Variants in PTPRZ1 observed in about 807,000 individuals in gnomAD.
PTPRZ1 encodes the protein protein tyrosine phosphatase receptor type Z1.
PTPRZ1 carries 82 observed loss-of-function variants against 214.1 expected under a neutral mutation model. The observed-to-expected ratio is 0.38, with a 90% CI of 0.32 to 0.46. PTPRZ1 has a LOEUF of 0.46. PTPRZ1 is among the 20% of genes least tolerant of loss of function. PTPRZ1 has a pLI of 1.00. For missense variants in PTPRZ1, 2,603 were observed against 2,748.7 expected (o/e 0.95, Z 1.19); for synonymous variants, 945 against 987.9 (o/e 0.96, Z 0.81).
At chr7:121,898,273 C>G (rs865849233) in intron 1 of PTPRZ1, among the ~76,000 whole-genome samples, 1 of 132,966 alleles carries the variant, frequency 7.5e-6, no homozygotes, top group Middle Eastern at 3.8e-3. Flanking sequence ...TTTTTTTTTT[C>G]ATGTTCTATG....
intron 8 of PTPRZ1, among the ~76,000 whole-genome samples, chr7:121,984,651 A>G (rs1797713388): frequency 6.6e-6 from 1 of 152,162 alleles, no homozygotes; most frequent in Non-Finnish European, 1.5e-5. Flanking sequence ...AGTACTGAAA[A>G]TAAATGCACT....
At chr7:122,049,232 A>T (rs929421488) in intron 23 of PTPRZ1, among the ~76,000 whole-genome samples, 1 of 152,112 alleles carries the variant, frequency 6.6e-6, no homozygotes, top group Non-Finnish European at 1.5e-5. Context: ...TACAATAAAC[A>T]TCATACATAA....
intron 2 of PTPRZ1, among the ~76,000 whole-genome samples, chr7:121,947,582 TA>T (rs1413123147): frequency 6.6e-6 from 1 of 152,214 alleles, no homozygotes; most frequent in Non-Finnish European, 1.5e-5. Flanking sequence ...GATTTTTCCA[TA>T]AAAATTATTT....
chr7:122,046,858 T>G (rs1268350792), intron 23 of PTPRZ1, among the ~76,000 whole-genome samples: 2 of 151,986 alleles, frequency 1.3e-5, no homozygotes, highest in African/African-American at 4.8e-5. Context: ...TTGGGAGTGA[T>G]CAGCGTAGAG....
In PTPRZ1 at chr7:121,928,230, A is replaced by G; in HGVS notation, c.124+9A>G. 2 of 1,576,020 alleles carry G rather than the reference A, an allele frequency of 1.3e-6. No homozygotes were observed. The highest frequency in any genetic ancestry group is 8.7e-7 in the Non-Finnish European group (1 of 1,152,690). Reference sequence around the variant, plus strand: ...TGGCTGGTCCTATACAGGTAAACATATTACTTATATAATGAGATTTAGCAG... The same window carrying G: ...TGGCTGGTCCTATACAGGTAAACATGTTACTTATATAATGAGATTTAGCAG... On this transcript the variant is annotated intron_variant, in intron 2 of 29. Transcript: ENST00000393386.
chr7:122,012,111 T>C lies in PTPRZ1; in HGVS notation c.3065T>C (p.Val1022Ala), dbSNP rs766935144. The change falls in exon 12 of 30, where the codon GTT (valine) becomes GCT (alanine). Residue 1022 changes from valine (V) to alanine (A), a missense_variant. Val to Ala is a moderately conservative substitution (Grantham distance 64). Transcript: ENST00000393386. The part of the protein sequence containing the change: ...GLTALNISSP[V>A]SVAEFTYTTS... Reference sequence around the variant, plus strand: ...ACAGCCCTTAACATTTCTTCACCTGTTTCTGTAGCTGAATTTACATATACA... The same window carrying C: ...ACAGCCCTTAACATTTCTTCACCTGCTTCTGTAGCTGAATTTACATATACA... The C allele has an allele frequency of 4.8e-5, 78 of 1,613,810 alleles. No individual in the cohort carries two copies. The highest frequency in any genetic ancestry group is 5.9e-5 in the Non-Finnish European group (70 of 1,179,790).
chr7:121,996,830 T>G lies in PTPRZ1; in HGVS notation c.1113+264T>G, dbSNP rs78301464. Among the ~76,000 whole-genome samples the G allele has an allele frequency of 7.3e-3, 1,105 of 152,306 alleles. 43 individuals carry two copies. The East Asian group carries it at 0.082, about 11-fold the overall frequency. On this transcript the variant is annotated intron_variant, in intron 9 of 29. Transcript: ENST00000393386. ...GAGTAGATACATATGACTTATGAAC[T>G]GGAGATCATTTAGTGTGGCCTTTCT...
intron 8 of PTPRZ1, among the ~76,000 whole-genome samples, chr7:121,988,374 T>C (rs1797833781): frequency 1.3e-5 from 2 of 152,188 alleles, no homozygotes; most frequent in African/African-American, 4.8e-5. Flanking sequence ...AAAAGTCAGG[T>C]CATGTTGGTT....
intron 1 of PTPRZ1, among the ~76,000 whole-genome samples, chr7:121,889,355 A>G (rs1022642817): frequency 2.0e-5 from 3 of 152,190 alleles, no homozygotes; most frequent in African/African-American, 4.8e-5. Context: ...CAAAGGTACC[A>G]TAAATTACTT....
intron 2 of PTPRZ1, 135 bp from the exon 3 acceptor site, chr7:121,967,816 A>C (rs1797088594): frequency 1.6e-6 from 1 of 608,622 alleles, no homozygotes; most frequent in Admixed American, 3.7e-5. Flanking sequence ...TAATTATTTC[A>C]TGCATTAGTT....
At chr7:121,880,703 G>C (rs944937529) in intron 1 of PTPRZ1, among the ~76,000 whole-genome samples, 4 of 152,130 alleles carry the variant, frequency 2.6e-5, no homozygotes, top group African/African-American at 9.7e-5. Context: ...ATATAAGGAA[G>C]TTTTTAGATT....
intron 8 of PTPRZ1, among the ~76,000 whole-genome samples, chr7:121,986,829 A>G (rs1299551664): frequency 1.3e-5 from 2 of 152,236 alleles, no homozygotes; most frequent in African/African-American, 4.8e-5. Context: ...AAAGTTTAAC[A>G]ATAAAAATGC....
intron 13 of PTPRZ1, among the ~76,000 whole-genome samples, chr7:122,020,238 G>T (rs952805727): frequency 1.3e-5 from 2 of 151,872 alleles, no homozygotes; most frequent in African/African-American, 4.8e-5. Flanking sequence ...TAACCATCAG[G>T]AAATATCAAA....
chr7:121,954,712 TTCTG>T (rs1311634260), intron 2 of PTPRZ1, among the ~76,000 whole-genome samples: 2 of 152,240 alleles, frequency 1.3e-5, no homozygotes, highest in African/African-American at 4.8e-5. Context: ...CAGGTAGATA[TTCTG>T]TCTCACACTA....
rs1562877022 is a variant in PTPRZ1, at chr7:122,039,607, G to A, written c.5637+19G>A. The A allele has an allele frequency of 1.9e-6, 3 of 1,611,198 alleles. No individual in the cohort carries two copies. The highest frequency in any genetic ancestry group is 1.3e-5 in the African/African-American group (1 of 74,892). On this transcript the variant is annotated intron_variant, in intron 20 of 29. Coordinates refer to ENST00000393386, the MANE Select transcript of PTPRZ1 (RefSeq NM_002851.3). ...AAAAAAGGTGAGTCAACAAAATGAT[G>A]GGCATAATCAAGTGAACAATGCATT...
At chr7:121,978,337 T>C (rs1160565273) in intron 6 of PTPRZ1, among the ~76,000 whole-genome samples, 1 of 152,162 alleles carries the variant, frequency 6.6e-6, no homozygotes, top group Admixed American at 6.5e-5. Context: ...TCACTTGTAT[T>C]AGTCCATTTT....
At chr7:122,044,138 AG>A (rs1177981459) in intron 22 of PTPRZ1, among the ~76,000 whole-genome samples, 1 of 152,188 alleles carries the variant, frequency 6.6e-6, no homozygotes, top group Non-Finnish European at 1.5e-5. Context: ...ATAGGCAGAG[AG>A]GACATTCCTT....
Position 122,059,901 on chromosome 7 carries a change from G to A in PTPRZ1, c.6807+13G>A. On this transcript the variant is annotated intron_variant, in intron 29 of 29. Coordinates refer to ENST00000393386, the MANE Select transcript of PTPRZ1 (RefSeq NM_002851.3). Reference sequence around the variant, plus strand: ...CTTTGCTGACATTGTAAGTAACAAGGCAGTGAACGAAATTTTTCACTGATA... The same window carrying A: ...CTTTGCTGACATTGTAAGTAACAAGACAGTGAACGAAATTTTTCACTGATA... 1 of 1,603,904 alleles carries A rather than the reference G, an allele frequency of 6.2e-7. No homozygotes were observed.
chr7:122,022,259 C>T (rs1490425506), intron 13 of PTPRZ1, among the ~76,000 whole-genome samples: 1 of 152,118 alleles, frequency 6.6e-6, no homozygotes, highest in African/African-American at 2.4e-5. Context: ...CTACTATTTC[C>T]ATAATGACTA....
Sources: gnomAD v4.1 joint callset for allele counts (sites outside exome capture counted in the v4.1 genomes callset) on GRCh38, gnomAD v4.1.1 for gene constraint, MANE v1.5 for transcripts, NCBI Gene and HGNC (gene_info 2026-07-23, HGNC 2026-07-21) for gene names.